The following PRSS23 variants were observed in gnomAD, a reference collection of about 807,000 sequenced individuals.
PRSS23 encodes the protein protease, serine 23.
Under a neutral mutation model 34.7 loss-of-function variants are expected in PRSS23, and 25 were observed. The observed-to-expected ratio is 0.72, with a 90% confidence interval of 0.53 to 1.01. The LOEUF is 1.01. PRSS23 is among the 50% of genes least tolerant of loss of function. PRSS23 has a pLI of 0.00. For synonymous variants in PRSS23, 176 were observed against 186.6 expected, an observed-to-expected ratio of 0.94 and a Z score of 0.46; for missense variants, 445 against 475.6, an observed-to-expected ratio of 0.94 and a Z score of 0.60.
At chr11:86,952,521 T>A (rs1204603620) in exon 3 of PRSS23, 3 of 1,592,876 alleles carry the variant, frequency 1.9e-6, no homozygotes, top group Non-Finnish European at 2.6e-6. Flanking sequence ...GACTTGGAAG[T>A]TTGACCAAAT....
intron 1 of PRSS23, among the ~76,000 whole-genome samples, chr11:86,817,892 C>T (rs1282959205): frequency 6.6e-6 from 1 of 152,182 alleles, no homozygotes; most frequent in East Asian, 1.9e-4. Flanking sequence ...TTGCCAAAAA[C>T]ACACAGCTAG....
At chr11:86,895,883 A>G (rs1948872015) in intron 2 of PRSS23, among the ~76,000 whole-genome samples, 1 of 152,196 alleles carries the variant, frequency 6.6e-6, no homozygotes, top group Non-Finnish European at 1.5e-5. Context: ...AGATATGAAG[A>G]TGAATTAACA....
At chr11:86,918,437 A>G (rs1949027760) in intron 2 of PRSS23, among the ~76,000 whole-genome samples, 1 of 152,254 alleles carries the variant, frequency 6.6e-6, no homozygotes, top group Non-Finnish European at 1.5e-5. Flanking sequence ...GTCTTCTCCC[A>G]GATATCCACA....
chr11:86,861,601 G>A (rs937334749), intron 2 of PRSS23, among the ~76,000 whole-genome samples: 6 of 151,566 alleles, frequency 4.0e-5, no homozygotes, highest in East Asian at 1.9e-4. Context: ...GATATTGTTC[G>A]TACTATCCGG....
exon 3 of PRSS23, chr11:86,951,589 C>A: frequency 6.2e-7 from 1 of 1,614,088 alleles, no homozygotes; most frequent in Non-Finnish European, 8.5e-7. Flanking sequence ...CCACCACGAA[C>A]CCGGTGAGGG....
chr11:86,925,366 G>A (rs1034302150), intron 2 of PRSS23, among the ~76,000 whole-genome samples: 7 of 151,764 alleles, frequency 4.6e-5, no homozygotes, highest in Admixed American at 1.3e-4. Context: ...AGTCTGGTCC[G>A]ATTGATAAGC....
At position 86,809,062 on chromosome 11, in the gene PRSS23, A is replaced by G. The variant is rs1470596615; in HGVS notation, c.*267A>G. 1.4e-5 allele frequency: 5 copies of G among 349,844 alleles called. No individual in the cohort carries two copies. The highest frequency in any genetic ancestry group is 1.1e-4 in the African/African-American group (5 of 47,162). The allele number at this position is 349,844 out of a possible 1,614,324, so 21.7% of individuals were successfully genotyped here. ...ATAAAAAAAATACTGATTTGGGGCA[A>G]TGAGGAATATTTGACAATTAAGTTA... On this transcript the variant is annotated 3_prime_UTR_variant, in exon 2 of 2. Transcript: ENST00000280258.
At chr11:86,864,999 C>A (rs550417670) in intron 2 of PRSS23, among the ~76,000 whole-genome samples, 3 of 152,316 alleles carry the variant, frequency 2.0e-5, no homozygotes, top group Admixed American at 2.0e-4. Flanking sequence ...TGAAAATGAT[C>A]CATAACATAA....
chr11:86,853,733 T>C (rs916572116), intron 2 of PRSS23, among the ~76,000 whole-genome samples: 4 of 152,174 alleles, frequency 2.6e-5, no homozygotes, highest in African/African-American at 4.8e-5. Context: ...CTAATTCTTT[T>C]TGGGAGGTAC....
chr11:86,859,349 G>A (rs553078328), intron 2 of PRSS23, among the ~76,000 whole-genome samples: 11 of 151,918 alleles, frequency 7.2e-5, no homozygotes, highest in Admixed American at 2.0e-4. Context: ...TCTAATACCC[G>A]TTGCAGGAGA....
chr11:86,814,042 A>G (rs983507861), downstream of PRSS23, among the ~76,000 whole-genome samples: 3 of 152,234 alleles, frequency 2.0e-5, no homozygotes, highest in African/African-American at 7.2e-5. Flanking sequence ...CAGAGATTCC[A>G]GGTGCCATTT....
exon 3 of PRSS23, chr11:86,952,562 G>C: frequency 7.2e-7 from 1 of 1,396,340 alleles, no homozygotes; most frequent in Admixed American, 1.7e-5. Context: ...AATGCTTCCA[G>C]GCAATCTAGG....
In PRSS23 at chr11:86,862,044, A is replaced by T. The variant is rs192056251; in HGVS notation, c.206+38451A>T. On this transcript the variant is annotated intron_variant, in intron 2 of 2. Coordinates refer to the PRSS23 transcript ENST00000533902. ...CATGGGGTGTACACCCCCTTGTGGT[A>T]TTGTTTGTAACATCTGGAAGGGAGA... Among the ~76,000 whole-genome samples the T allele has an allele frequency of 2.2e-3, 335 of 151,636 alleles. 3 individuals carry two copies. Among genetic ancestry groups the T allele is most frequent in the African/African-American group, 5.5e-3 (225 of 41,280 alleles).
At chr11:86,860,664 A>G (rs1324924601) in intron 2 of PRSS23, among the ~76,000 whole-genome samples, 1 of 151,850 alleles carries the variant, frequency 6.6e-6, no homozygotes, top group Non-Finnish European at 1.5e-5. Flanking sequence ...CAGTGGGTGT[A>G]CGTTACCCCT....
chr11:86,943,182 T>C (rs908577007), intron 2 of PRSS23, among the ~76,000 whole-genome samples: 13 of 152,250 alleles, frequency 8.5e-5, no homozygotes, highest in Admixed American at 1.3e-4. Flanking sequence ...ATGGCATTTA[T>C]TCTAGAAGTG....
intron 2 of PRSS23, among the ~76,000 whole-genome samples, chr11:86,861,878 G>A (rs12576470): frequency 0.13 from 20,085 of 151,978 alleles, 1,397 homozygotes; most frequent in East Asian, 0.16. Flanking sequence ...TGTAGGAAGT[G>A]TACACCCCCT....
At chr11:86,859,605 C>G (rs1245745859) in intron 2 of PRSS23, among the ~76,000 whole-genome samples, 1 of 151,800 alleles carries the variant, frequency 6.6e-6, no homozygotes, top group Non-Finnish European at 1.5e-5. Flanking sequence ...GATATTACTC[C>G]CAGTATCACA....
rs746770647 is a variant in PRSS23 at position 86,808,531 on chromosome 11, C to T, written c.888C>T (p.Asp296=). 37 of 1,614,086 alleles carry T rather than the reference C, an allele frequency of 2.3e-5. No homozygotes were observed. The South Asian group carries it at 2.7e-4, about 12-fold the overall frequency. ...GCAATTTGGTGTATCGCTTCTGTGA[C>T]GTCAAAGACGAGACCTATGACTTGC... ...RPGNLVYRFC[D]VKDETYDLLY... Residue 296 remains aspartate (D), a synonymous_variant, in exon 2 of 2, where the codon GAC becomes GAT. Coordinates refer to ENST00000280258, the MANE Select transcript of PRSS23 (RefSeq NM_007173.6).
At chr11:86,866,144 C>T (rs1476559200) in intron 2 of PRSS23, among the ~76,000 whole-genome samples, 1 of 152,156 alleles carries the variant, frequency 6.6e-6, no homozygotes, top group Non-Finnish European at 1.5e-5. Context: ...AAAAACAGAG[C>T]CACAAAGGGG....
Sources: gnomAD v4.1 joint callset for allele counts (sites outside exome capture counted in the v4.1 genomes callset) on GRCh38, gnomAD v4.1.1 for gene constraint, MANE v1.5 for transcripts, NCBI Gene and HGNC (gene_info 2026-07-23, HGNC 2026-07-21) for gene names.